AUTS2: variants seen among roughly 807,000 people sequenced by gnomAD.
The protein encoded by AUTS2 is autism susceptibility gene 2 protein.
In AUTS2, 17 loss-of-function variants were observed where a neutral mutation model predicts 112.4. The observed-to-expected ratio is 0.15, with a 90% confidence interval of 0.10 to 0.23. The LOEUF (loss-of-function observed/expected upper bound fraction) is 0.23, where lower values mean the gene tolerates loss of function less well. Ranked by LOEUF, AUTS2 falls within the 10% of genes least tolerant of loss-of-function variation. The probability of loss-of-function intolerance (pLI) is 1.00; values close to 1 mark genes in which losing one functional copy is unlikely to be tolerated. For synonymous variants in AUTS2, 751 were observed against 702.7 expected, an observed-to-expected ratio of 1.07 and a Z score of -1.09; for missense variants, 1,510 against 1,701.6, an observed-to-expected ratio of 0.89 and a Z score of 1.98.
At chr7:70,168,533 C>A (rs2129578339) in intron 4 of AUTS2, among the ~76,000 whole-genome samples, 1 of 152,222 alleles carries the variant, frequency 6.6e-6, no homozygotes, top group Middle Eastern at 3.4e-3. Context: ...CTGGGTTGGT[C>A]TTGTACTCCT....
chr7:69,777,207 G>A (rs1394131839), intron 1 of AUTS2, among the ~76,000 whole-genome samples: 1 of 152,160 alleles, frequency 6.6e-6, no homozygotes, highest in Non-Finnish European at 1.5e-5. Flanking sequence ...GTATGTGCAC[G>A]TTTTAATAAA....
intron 2 of AUTS2, among the ~76,000 whole-genome samples, chr7:69,924,576 A>T (rs1795934233): frequency 1.4e-5 from 2 of 138,232 alleles, no homozygotes; most frequent in African/African-American, 2.7e-5. Flanking sequence ...TTTGAGACAG[A>T]GTTTTGCTCT....
chr7:69,938,574 T>C (rs528251976), intron 2 of AUTS2, among the ~76,000 whole-genome samples: 1 of 152,270 alleles, frequency 6.6e-6, no homozygotes, highest in East Asian at 1.9e-4. Context: ...AAACTAAACA[T>C]GAATGAAACT....
intron 4 of AUTS2, among the ~76,000 whole-genome samples, chr7:70,287,269 A>G (rs1414079431): frequency 6.6e-6 from 1 of 152,072 alleles, no homozygotes; most frequent in African/African-American, 2.4e-5. Context: ...CTCTTCTTAC[A>G]CCTTCGACTG....
intron 4 of AUTS2, among the ~76,000 whole-genome samples, chr7:70,247,956 G>A (rs1813012479): frequency 1.3e-5 from 2 of 152,108 alleles, no homozygotes; most frequent in South Asian, 4.1e-4. Flanking sequence ...ATGAATGACT[G>A]TCAGATGATT....
chr7:70,158,028 G>T (rs1441591823), intron 4 of AUTS2, among the ~76,000 whole-genome samples: 1 of 152,186 alleles, frequency 6.6e-6, no homozygotes, highest in Non-Finnish European at 1.5e-5. Flanking sequence ...TTTATGTAAA[G>T]TTGTAGTGGT....
chr7:70,756,426 C>A (rs1026498888), intron 6 of AUTS2, among the ~76,000 whole-genome samples: 6 of 151,716 alleles, frequency 4.0e-5, no homozygotes, highest in Non-Finnish European at 8.8e-5. Context: ...CCCTACCAGA[C>A]CCAGCATAAT....
intron 6 of AUTS2, among the ~76,000 whole-genome samples, chr7:70,701,254 G>C (rs545620129): frequency 2.0e-5 from 3 of 152,226 alleles, no homozygotes; most frequent in Non-Finnish European, 2.9e-5. Flanking sequence ...GTGGGGGTTG[G>C]GGGGGCGCAG....
At position 70,766,013 on chromosome 7, in the gene AUTS2, C is replaced by T; in HGVS notation, c.1469-101C>T. The stretch of plus-strand genomic sequence containing the variant: ...AGGGCCCAGCCACACCCTGTCACCC[C>T]TGCCACTGTGTCACCAGCCCCGTAC... On this transcript the variant is annotated intron_variant, in intron 8 of 18. Transcript: ENST00000342771. The surrounding 1 kb of genome is among the most constrained non-coding windows in gnomAD (Gnocchi z 4.8). 6.6e-7 allele frequency: 1 copy of T among 1,516,204 alleles called. No homozygotes were observed. Among genetic ancestry groups the T allele is most frequent in the Non-Finnish European group, 8.8e-7 (1 of 1,130,360 alleles). The allele number at this position is 1,516,204 out of a possible 1,614,324, so 93.9% of individuals were successfully genotyped here.
chr7:69,794,760 C>T (rs934384938), intron 1 of AUTS2, among the ~76,000 whole-genome samples: 2 of 151,918 alleles, frequency 1.3e-5, no homozygotes, highest in African/African-American at 2.4e-5. Context: ...ACTGAGGGGA[C>T]GGTCAGTGTT....
At chr7:70,476,390 A>G (rs1046956918) in intron 5 of AUTS2, among the ~76,000 whole-genome samples, 2 of 152,156 alleles carry the variant, frequency 1.3e-5, no homozygotes, top group East Asian at 3.9e-4. Flanking sequence ...CAACCTTTCA[A>G]ATATATTAAG....
In AUTS2 at chr7:70,671,097, G is replaced by C. The variant is rs936326101; in HGVS notation, c.691-27472G>C. On this transcript the variant is annotated intron_variant, in intron 5 of 18. Coordinates refer to ENST00000342771, the MANE Select transcript of AUTS2 (RefSeq NM_015570.4). ...TGAGGCAGGATAATTGCTTGAACCTGGTGGGGGGATGGGGACACGGAGGTA... is the reference window on the plus strand; with the variant it reads ...TGAGGCAGGATAATTGCTTGAACCTCGTGGGGGGATGGGGACACGGAGGTA... Among the ~76,000 whole-genome samples, 8 of 152,314 alleles carry C rather than the reference G, an allele frequency of 5.3e-5. No homozygotes were observed. The South Asian group carries it at 1.7e-3, about 32-fold the overall frequency.
intron 6 of AUTS2, among the ~76,000 whole-genome samples, chr7:70,704,006 C>T (rs1809603649): frequency 6.6e-6 from 1 of 152,174 alleles, no homozygotes; most frequent in Non-Finnish European, 1.5e-5. Flanking sequence ...TGGAAATTGA[C>T]CTTCCTATAG....
At position 69,871,118 on chromosome 7, in the gene AUTS2, A is replaced by C. The variant is rs528881620; in HGVS notation, c.310-28168A>C. 9.9e-5 allele frequency among the ~76,000 whole-genome samples: 15 copies of C among 152,260 alleles called. 1 individual carries two copies. The highest frequency in any genetic ancestry group is 1.5e-5 in the Non-Finnish European group (1 of 68,028). On this transcript the variant is annotated intron_variant, in intron 1 of 18. Coordinates refer to ENST00000342771, the MANE Select transcript of AUTS2 (RefSeq NM_015570.4). The stretch of plus-strand genomic sequence containing the variant: ...CAACACTCTCTACCTTCAGATTACA[A>C]TGAGTAAGGAAGGACTGAAAGGGAC...
chr7:70,028,055 G>A (rs1460456674), intron 2 of AUTS2, among the ~76,000 whole-genome samples: 2 of 151,870 alleles, frequency 1.3e-5, no homozygotes, highest in East Asian at 1.9e-4. Flanking sequence ...ATTCTTTCCC[G>A]CTCTGTCCGC....
intron 4 of AUTS2, among the ~76,000 whole-genome samples, chr7:70,178,292 C>T (rs1228265323): frequency 6.6e-6 from 1 of 150,840 alleles, no homozygotes; most frequent in African/African-American, 2.5e-5. Flanking sequence ...CACTTGGATA[C>T]CAATTAAAAA....
intron 4 of AUTS2, among the ~76,000 whole-genome samples, chr7:70,309,973 G>A (rs1029641624): frequency 6.6e-6 from 1 of 152,140 alleles, no homozygotes; most frequent in African/African-American, 2.4e-5. Flanking sequence ...CTAGGAACTC[G>A]AAGACTGAAT....
chr7:69,675,024 T>G (rs767230643), intron 1 of AUTS2, among the ~76,000 whole-genome samples: 4 of 152,204 alleles, frequency 2.6e-5, no homozygotes, highest in African/African-American at 4.8e-5. Context: ...TTGACAATGG[T>G]GTAGCTCTTT....
intron 1 of AUTS2, among the ~76,000 whole-genome samples, chr7:69,773,820 C>A (rs1378260508): frequency 6.6e-6 from 1 of 152,102 alleles, no homozygotes. Flanking sequence ...CCGTCTCTAC[C>A]GTGTAGCAAA....
Sources: allele counts gnomAD v4.1 joint callset (sites outside exome capture counted in the v4.1 genomes callset), GRCh38; gene constraint gnomAD v4.1.1; non-coding constraint Gnocchi (gnomAD v3.1); transcripts MANE v1.5; gene names NCBI Gene and HGNC (gene_info 2026-07-23, HGNC 2026-07-21).